PRKCE: variants seen among roughly 807,000 people sequenced by gnomAD.
PRKCE encodes the protein protein kinase C epsilon type.
PRKCE carries 16 observed loss-of-function variants against 85.4 expected under a neutral mutation model. That is an observed-to-expected ratio of 0.19 (90% CI 0.13 to 0.28). The LOEUF is 0.28. Ranked by LOEUF, PRKCE falls within the 10% of genes least tolerant of loss-of-function variation. The pLI is 1.00. For synonymous variants in PRKCE, 388 were observed against 371.5 expected, an observed-to-expected ratio of 1.04 and a Z score of -0.51; for missense variants, 573 against 975.2, an observed-to-expected ratio of 0.59 and a Z score of 5.49.
chr2:45,667,378 C>G (rs949282943), intron 1 of PRKCE, among the ~76,000 whole-genome samples: 1 of 152,092 alleles, frequency 6.6e-6, no homozygotes, highest in African/African-American at 2.4e-5. Context: ...AAACTCCTGG[C>G]ATCAAGTGAT....
At chr2:46,061,609 A>G (rs955460426) in intron 10 of PRKCE, among the ~76,000 whole-genome samples, 2 of 152,222 alleles carry the variant, frequency 1.3e-5, no homozygotes, top group East Asian at 3.9e-4. Context: ...ATATAAACTT[A>G]TGAAAGAGGA....
rs531782610 is a variant in PRKCE at position 45,668,004 on chromosome 2, G to A, written c.348+15556G>A. Among the ~76,000 whole-genome samples the A allele has an allele frequency of 7.2e-5, 11 of 152,244 alleles. No individual in the cohort carries two copies. The South Asian group carries it at 2.3e-3, about 32-fold the overall frequency. ...CTAAGTCAGTACTATCTATCTAATT[G>A]TGTTTGAAATAAATAATATAATGCA... On this transcript the variant is annotated intron_variant, in intron 1 of 14. Transcript: ENST00000306156.
intron 1 of PRKCE, among the ~76,000 whole-genome samples, chr2:45,703,021 TC>T (rs11445755): frequency 2.9e-4 from 44 of 150,082 alleles, no homozygotes; most frequent in Non-Finnish European, 4.3e-4. Flanking sequence ...AAGCCTTTTT[TC>T]CCCCCCCGTC....
chr2:45,792,104 G>T (rs1055581001), intron 1 of PRKCE, among the ~76,000 whole-genome samples: 1 of 152,194 alleles, frequency 6.6e-6, no homozygotes, highest in African/African-American at 2.4e-5. Context: ...CAGAAGCCTG[G>T]TGCTGGCATC....
chr2:46,166,222 C>T (rs73929404), intron 14 of PRKCE, among the ~76,000 whole-genome samples: 9,973 of 152,306 alleles, frequency 0.065, 340 homozygotes, highest in Middle Eastern at 0.15. Flanking sequence ...GAACAGGCAG[C>T]CCCTTCCCCT....
chr2:45,835,636 G>C (rs1434149713), intron 1 of PRKCE, among the ~76,000 whole-genome samples: 1 of 150,036 alleles, frequency 6.7e-6, no homozygotes, highest in Non-Finnish European at 1.5e-5. Context: ...TCTCACCTAG[G>C]CTGGAGTGCA....
chr2:45,838,726 C>T (rs920446826), intron 1 of PRKCE, among the ~76,000 whole-genome samples: 2 of 152,154 alleles, frequency 1.3e-5, no homozygotes, highest in Admixed American at 6.5e-5. Flanking sequence ...AATCCTCCTG[C>T]CTCTGCCTCC....
At chr2:45,915,276 T>C (rs901860780) in intron 2 of PRKCE, among the ~76,000 whole-genome samples, 1 of 152,262 alleles carries the variant, frequency 6.6e-6, no homozygotes, top group Admixed American at 6.5e-5. Flanking sequence ...AGGCATGCTG[T>C]TCTTTCAGCC....
At chr2:46,070,513 T>A (rs10170627) in intron 10 of PRKCE, among the ~76,000 whole-genome samples, 1 of 152,092 alleles carries the variant, frequency 6.6e-6, no homozygotes, top group Non-Finnish European at 1.5e-5. Flanking sequence ...TGTGGTGACA[T>A]GCACCTGTAG....
At position 45,732,859 on chromosome 2, in the gene PRKCE, A is replaced by G. The variant is rs548769484; in HGVS notation, c.348+80411A>G. ...TTCTGAGTTCTCCTAAAGATGGTAC[A>G]TGATTGGTAATTTTAGATAAACAGG... On this transcript the variant is annotated intron_variant, in intron 1 of 14. Coordinates refer to ENST00000306156, the MANE Select transcript of PRKCE (RefSeq NM_005400.3). Among the ~76,000 whole-genome samples, 5 of 152,386 alleles carry G rather than the reference A, an allele frequency of 3.3e-5. No individual in the cohort carries two copies. The South Asian group carries it at 8.3e-4, about 25-fold the overall frequency.
At chr2:45,989,008 G>C (rs1389680921) in intron 6 of PRKCE, among the ~76,000 whole-genome samples, 4 of 152,114 alleles carry the variant, frequency 2.6e-5, no homozygotes, top group Non-Finnish European at 5.9e-5. Flanking sequence ...GTTCTCACCT[G>C]CCCCCGTCCC....
intron 2 of PRKCE, among the ~76,000 whole-genome samples, chr2:45,856,859 C>T (rs1291146851): frequency 6.6e-6 from 1 of 152,194 alleles, no homozygotes; most frequent in Non-Finnish European, 1.5e-5. Flanking sequence ...CCAGGTTCAT[C>T]ATGTTGCTGC....
chr2:45,653,448 A>C (rs1482103028), intron 1 of PRKCE, among the ~76,000 whole-genome samples: 1 of 108,860 alleles, frequency 9.2e-6, no homozygotes, highest in East Asian at 2.9e-4. Flanking sequence ...TTGTGTTTTC[A>C]GGTTTGTTAC....
chr2:46,011,945 G>A lies in PRKCE; in HGVS notation c.1437+1428G>A, dbSNP rs542176782. Among the ~76,000 whole-genome samples, 184 of 152,230 alleles carry A rather than the reference G, an allele frequency of 1.2e-3. 1 individual carries two copies. The highest frequency in any genetic ancestry group is 4.1e-3 in the African/African-American group (169 of 41,534). On this transcript the variant is annotated intron_variant, in intron 10 of 14. Transcript: ENST00000306156. ...GATGGACACATATTTCTTTGTCTACGAAACTTTCCTCAGAGACCACTATTT... is the reference window on the plus strand; with the variant it reads ...GATGGACACATATTTCTTTGTCTACAAAACTTTCCTCAGAGACCACTATTT...
At chr2:46,045,859 A>T (rs957120347) in intron 10 of PRKCE, among the ~76,000 whole-genome samples, 8 of 152,032 alleles carry the variant, frequency 5.3e-5, no homozygotes, top group African/African-American at 1.9e-4. Context: ...TCCAGCCCAG[A>T]GCAGAACTCT....
At chr2:45,758,500 C>T (rs72886144) in intron 1 of PRKCE, among the ~76,000 whole-genome samples, 359 of 132,462 alleles carry the variant, frequency 2.7e-3, no homozygotes, top group African/African-American at 9.7e-3. Flanking sequence ...GCTGAGACAA[C>T]TCTGCCTGGA....
rs963948058 is a variant in PRKCE at position 45,774,323 on chromosome 2, T to C, written c.349-68677T>C. Among the ~76,000 whole-genome samples the C allele has an allele frequency of 1.3e-5, 2 of 152,196 alleles. No homozygotes were observed. The highest frequency in any genetic ancestry group is 6.5e-5 in the Admixed American group (1 of 15,284). ...GGCAGGGCAGCCTCATCTCATCTTCTGTAGCTCCCAGCCTTCCACTGTGGA... is the reference window on the plus strand; with the variant it reads ...GGCAGGGCAGCCTCATCTCATCTTCCGTAGCTCCCAGCCTTCCACTGTGGA... On this transcript the variant is annotated intron_variant, in intron 1 of 14. Coordinates refer to ENST00000306156, the MANE Select transcript of PRKCE (RefSeq NM_005400.3). This position sits in a 1 kb window ranked among gnomAD's most constrained non-coding sequence, Gnocchi z 4.3.
chr2:45,749,501 C>G (rs1219995946), intron 1 of PRKCE, among the ~76,000 whole-genome samples: 1 of 152,136 alleles, frequency 6.6e-6, no homozygotes. Context: ...CTGACATAAA[C>G]TAAGAGAAGT....
intron 5 of PRKCE, among the ~76,000 whole-genome samples, chr2:45,981,529 C>G (rs572888233): frequency 8.1e-4 from 124 of 152,300 alleles, no homozygotes; most frequent in African/African-American, 2.9e-3. Context: ...TAGACTGAGC[C>G]TTCTGTGTCT....
Sources: allele counts gnomAD v4.1 joint callset (sites outside exome capture counted in the v4.1 genomes callset), GRCh38; gene constraint gnomAD v4.1.1; non-coding constraint Gnocchi (gnomAD v3.1); transcripts MANE v1.5; gene names NCBI Gene and HGNC (gene_info 2026-07-23, HGNC 2026-07-21).